The following CALN1 variants were observed in gnomAD, a reference collection of about 807,000 sequenced individuals.
CALN1 encodes the protein calcium-binding protein 8.
Under a neutral mutation model 30.6 loss-of-function variants are expected in CALN1, and 17 were observed. That is an observed-to-expected ratio of 0.56 (90% confidence interval 0.38 to 0.83). The LOEUF is 0.83. Among genes scored for constraint, CALN1 ranks in the 40% least tolerant of loss-of-function variants. The probability of loss-of-function intolerance (pLI) is 0.00; values close to 1 mark genes in which losing one functional copy is unlikely to be tolerated. For missense variants in CALN1, 291 were observed against 354.9 expected (o/e 0.82, Z 1.45); for synonymous variants, 156 against 131.4 (o/e 1.19, Z -1.28).
At chr7:72,097,962 C>T (rs1806362618) in intron 4 of CALN1, among the ~76,000 whole-genome samples, 4 of 152,192 alleles carry the variant, frequency 2.6e-5, no homozygotes, top group Admixed American at 6.5e-5. Flanking sequence ...GATCCACCCG[C>T]CTCGGCCTCA....
At position 71,847,760 on chromosome 7, in the gene CALN1, G is replaced by GAAGA. The variant is rs1491020911; in HGVS notation, c.502-37272_502-37269dup. On this transcript the variant is annotated intron_variant, in intron 5 of 6. Transcript: ENST00000395275. ...AGAAGAAAGAAGAAGAAAGAAGAAA[G>GAAGA]AAGAAGAAGAAGAAAGAAGAAGAAG... Among the ~76,000 whole-genome samples the GAAGA allele has an allele frequency of 2.0e-4, 13 of 66,294 alleles. 1 individual carries two copies. The highest frequency in any genetic ancestry group is 9.3e-4 in the East Asian group (2 of 2,148). 43.5% of individuals were successfully genotyped at this position (66,294 alleles called of 152,430 possible). A position where few individuals can be genotyped will look rare whatever the true frequency, so the allele number is the denominator to read the frequency against.
At chr7:71,848,083 A>G (rs1241228679) in intron 5 of CALN1, among the ~76,000 whole-genome samples, 2 of 152,216 alleles carry the variant, frequency 1.3e-5, no homozygotes, top group East Asian at 3.8e-4. Flanking sequence ...CCTGTTGTCT[A>G]GTCAAGGTAA....
At chr7:72,126,999 T>C (rs1808812531) in intron 3 of CALN1, among the ~76,000 whole-genome samples, 1 of 151,824 alleles carries the variant, frequency 6.6e-6, no homozygotes, top group Non-Finnish European at 1.5e-5. Context: ...AAATAAAATT[T>C]TAAAAAATCG....
intron 3 of CALN1, among the ~76,000 whole-genome samples, chr7:72,218,444 T>C (rs374045375): frequency 1.3e-5 from 2 of 151,876 alleles, no homozygotes; most frequent in African/African-American, 4.8e-5. Flanking sequence ...CGAGACTCCA[T>C]CTCAAAAAAT....
chr7:72,398,360 G>A lies in CALN1; in HGVS notation c.119+4891C>T, dbSNP rs1009352393. ...TTGAATTTCCATTGCTTTCAGAGTCGGCAATTTAATGAGTCAGGCATTCTA... is the reference window on the plus strand; with the variant it reads ...TTGAATTTCCATTGCTTTCAGAGTCAGCAATTTAATGAGTCAGGCATTCTA... On this transcript the variant is annotated intron_variant, in intron 2 of 6. Coordinates refer to ENST00000395275, the MANE Select transcript of CALN1 (RefSeq NM_031468.4). 1.7e-4 allele frequency among the ~76,000 whole-genome samples: 26 copies of A among 152,268 alleles called. 1 individual carries two copies. In the South Asian group the frequency reaches 4.6e-3, roughly 27 times the overall value.
At chr7:72,421,699 G>A (rs1036798318) in intron 1 of CALN1, among the ~76,000 whole-genome samples, 11 of 141,362 alleles carry the variant, frequency 7.8e-5, no homozygotes, top group Admixed American at 3.0e-4. Context: ...TGGTTCTCCC[G>A]CCTCAGCCTC....
At chr7:72,104,609 C>A (rs2129541137) in intron 4 of CALN1, among the ~76,000 whole-genome samples, 1 of 152,176 alleles carries the variant, frequency 6.6e-6, no homozygotes, top group African/African-American at 2.4e-5. Context: ...GTGTTCTCAT[C>A]ATTTAACTCC....
intron 2 of CALN1, among the ~76,000 whole-genome samples, chr7:72,391,719 G>GTT (rs1186371799): frequency 6.7e-6 from 1 of 150,096 alleles, no homozygotes; most frequent in South Asian, 2.1e-4. Flanking sequence ...TTTGTTTTTT[G>GTT]TTTTTGTTTT....
chr7:72,333,996 A>C (rs1801840514), intron 2 of CALN1, among the ~76,000 whole-genome samples: 1 of 152,234 alleles, frequency 6.6e-6, no homozygotes. Flanking sequence ...CCCCGCACAT[A>C]GGATCGAAAC....
intron 3 of CALN1, among the ~76,000 whole-genome samples, chr7:72,223,336 T>A (rs942746876): frequency 6.6e-6 from 1 of 151,872 alleles, no homozygotes; most frequent in African/African-American, 2.4e-5. Flanking sequence ...GGAGGGAAAA[T>A]ACAAAGGAAA....
At chr7:71,797,846 C>A (rs1269482252) in intron 6 of CALN1, among the ~76,000 whole-genome samples, 1 of 152,156 alleles carries the variant, frequency 6.6e-6, no homozygotes, top group Non-Finnish European at 1.5e-5. Context: ...TCCACCATCG[C>A]AAACCAGGTT....
chr7:72,355,723 G>C (rs760383363), intron 2 of CALN1, among the ~76,000 whole-genome samples: 1 of 151,978 alleles, frequency 6.6e-6, no homozygotes, highest in Non-Finnish European at 1.5e-5. Context: ...TGAAATTCTA[G>C]AACAGAAAAA....
intron 2 of CALN1, among the ~76,000 whole-genome samples, chr7:72,359,993 C>CAAAAAAAAAAAA (rs1267520809): frequency 3.7e-3 from 292 of 78,034 alleles, no homozygotes; most frequent in East Asian, 0.011. Flanking sequence ...AAAAAAAAAC[C>CAAAAAAAAAAAA]AAAGTTGACC....
At chr7:72,087,374 G>A (rs1434465466) in intron 4 of CALN1, among the ~76,000 whole-genome samples, 7 of 151,974 alleles carry the variant, frequency 4.6e-5, no homozygotes, top group African/African-American at 1.4e-4. Context: ...TCTACTAAAC[G>A]TACAAAAATT....
At chr7:71,991,991 C>A (rs1196145355) in intron 5 of CALN1, among the ~76,000 whole-genome samples, 1 of 152,190 alleles carries the variant, frequency 6.6e-6, no homozygotes, top group Non-Finnish European at 1.5e-5. Context: ...GCAGCTATAA[C>A]CTTTGTTTGT....
intron 2 of CALN1, among the ~76,000 whole-genome samples, chr7:72,386,799 C>G (rs886471102): frequency 4.6e-5 from 7 of 152,050 alleles, no homozygotes; most frequent in African/African-American, 1.7e-4. Flanking sequence ...CCACACCTAG[C>G]TAATTTAAAA....
chr7:71,834,985 C>A (rs1400696548), intron 5 of CALN1, among the ~76,000 whole-genome samples: 1 of 152,132 alleles, frequency 6.6e-6, no homozygotes, highest in African/African-American at 2.4e-5. Flanking sequence ...GTGCACATCA[C>A]CATGCCCAGG....
intron 4 of CALN1, among the ~76,000 whole-genome samples, chr7:72,067,188 A>C (rs1433692755): frequency 6.6e-6 from 1 of 152,216 alleles, no homozygotes; most frequent in African/African-American, 2.4e-5. Flanking sequence ...AGAGATGGGA[A>C]AATAGAGGCA....
chr7:71,901,374 A>C (rs1444353783), intron 5 of CALN1, among the ~76,000 whole-genome samples: 1 of 151,878 alleles, frequency 6.6e-6, no homozygotes, highest in East Asian at 1.9e-4. Context: ...CAAAGTACTA[A>C]TATCATTTTT....
Sources: gnomAD v4.1 joint callset for allele counts (sites outside exome capture counted in the v4.1 genomes callset) on GRCh38, gnomAD v4.1.1 for gene constraint, MANE v1.5 for transcripts, NCBI Gene and HGNC (gene_info 2026-07-23, HGNC 2026-07-21) for gene names.